Variants in PRDM6 observed in about 807,000 individuals in gnomAD.
PRDM6 encodes the protein putative histone-lysine N-methyltransferase PRDM6.
Under a neutral mutation model 60.8 loss-of-function variants are expected in PRDM6, and 25 were observed. That is an observed-to-expected ratio of 0.41 (90% CI 0.30 to 0.57). PRDM6 has a LOEUF of 0.57. PRDM6 is among the 20% of genes least tolerant of loss of function. PRDM6 has a pLI of 0.27. For synonymous variants in PRDM6, 407 were observed against 357.4 expected (o/e 1.14, Z -1.57); for missense variants, 839 against 821.3 (o/e 1.02, Z -0.26).
intron 7 of PRDM6, among the ~76,000 whole-genome samples, chr5:123,181,158 C>A (rs1766150147): frequency 6.6e-6 from 1 of 152,194 alleles, no homozygotes; most frequent in East Asian, 1.9e-4. Flanking sequence ...CAAGTATGTA[C>A]TTTTTTGCTA....
At chr5:123,181,710 G>A (rs1484105631) in intron 7 of PRDM6, among the ~76,000 whole-genome samples, 2 of 152,150 alleles carry the variant, frequency 1.3e-5, no homozygotes, top group Non-Finnish European at 2.9e-5. Context: ...TAATCCCCCT[G>A]CTCAGTCTCA....
chr5:123,103,763 G>T (rs772170115), intron 3 of PRDM6, among the ~76,000 whole-genome samples: 1 of 151,876 alleles, frequency 6.6e-6, no homozygotes, highest in Non-Finnish European at 1.5e-5. Context: ...AATAAAATAC[G>T]GAAGTTTAAA....
chr5:123,113,704 G>T (rs910248328), intron 3 of PRDM6, among the ~76,000 whole-genome samples: 1 of 152,156 alleles, frequency 6.6e-6, no homozygotes, highest in Non-Finnish European at 1.5e-5. Flanking sequence ...CTCAGCCTCT[G>T]CCACAGGCCT....
rs1766378221 is a variant in PRDM6 at position 123,190,116 on chromosome 5, C to G, written c.*2915C>G. ...GGATATTTAAGATAAGAAAGGTAGT[C>G]TGTCAGAGCTGAATCAGGGTTTGGC... On this transcript the variant is annotated 3_prime_UTR_variant, in exon 8 of 8. Transcript: ENST00000407847. 1.3e-5 allele frequency: 2 copies of G among 152,158 alleles called. No individual in the cohort carries two copies. The highest frequency in any genetic ancestry group is 4.8e-5 in the African/African-American group (2 of 41,430). 9.4% of individuals were successfully genotyped at this position (152,158 alleles called of 1,614,324 possible). A position where few individuals can be genotyped will look rare whatever the true frequency, so the allele number is the denominator to read the frequency against.
chr5:123,171,315 C>G (rs1765886054), intron 6 of PRDM6, among the ~76,000 whole-genome samples: 1 of 152,178 alleles, frequency 6.6e-6, no homozygotes, highest in Non-Finnish European at 1.5e-5. Context: ...AGAGAGGAAT[C>G]TGCACTTGCC....
chr5:123,139,648 G>T (rs1765054598), intron 3 of PRDM6, among the ~76,000 whole-genome samples: 1 of 152,160 alleles, frequency 6.6e-6, no homozygotes, highest in African/African-American at 2.4e-5. Context: ...CACTCACTGT[G>T]TGTGGCCTGT....
Position 123,090,332 on chromosome 5 carries a change from TG to T in PRDM6, c.320del (p.Gly107ValfsTer16). 2 of 1,477,906 alleles carry T rather than the reference TG, an allele frequency of 1.4e-6. No homozygotes were observed. The highest frequency in any genetic ancestry group is 2.9e-5 in the East Asian group (1 of 33,946). 91.5% of individuals were successfully genotyped at this position (1,477,906 alleles called of 1,614,324 possible). The part of the protein sequence containing the change: ...AAAAAAAALA[G>X]LSALPVSQLP... ...CTGCGGCCGCTGCCGCCGCGCTGGC[TG>T]GTCTCTCGGCCCTGCCGGTGTCGCA... On this transcript the variant is annotated frameshift_variant, in exon 2 of 8. Transcript: ENST00000407847. LOFTEE classifies it high-confidence loss of function.
chr5:123,138,425 G>C (rs1453527970), intron 3 of PRDM6, among the ~76,000 whole-genome samples: 3 of 152,210 alleles, frequency 2.0e-5, no homozygotes, highest in African/African-American at 7.2e-5. Context: ...TTTGCTTTCA[G>C]CAGAGATTAT....
chr5:123,094,150 C>G (rs1371969973), intron 2 of PRDM6, among the ~76,000 whole-genome samples: 2 of 152,102 alleles, frequency 1.3e-5, no homozygotes, highest in African/African-American at 4.8e-5. Flanking sequence ...GGGCCTAACA[C>G]TGGTTTGTCC....
In PRDM6 at chr5:123,190,580, A is replaced by G. The variant is rs770855778; in HGVS notation, c.*3379A>G. ...TTAAATGTAGCCTTCTTGGGAAACTATGTATAACAGGAAAAGATCATGACA... is the reference window on the plus strand; with the variant it reads ...TTAAATGTAGCCTTCTTGGGAAACTGTGTATAACAGGAAAAGATCATGACA... On this transcript the variant is annotated 3_prime_UTR_variant, in exon 8 of 8. Coordinates refer to ENST00000407847, the MANE Select transcript of PRDM6 (RefSeq NM_001136239.4). The G allele has an allele frequency of 6.6e-6, 1 of 152,312 alleles. No individual in the cohort carries two copies. The highest frequency in any genetic ancestry group is 2.1e-4 in the South Asian group (1 of 4,820). 9.4% of individuals were successfully genotyped at this position (152,312 alleles called of 1,614,324 possible).
intron 3 of PRDM6, among the ~76,000 whole-genome samples, chr5:123,134,239 G>C (rs770730252): frequency 4.6e-5 from 7 of 151,948 alleles, no homozygotes; most frequent in Non-Finnish European, 7.4e-5. Flanking sequence ...TGAGTTCCTT[G>C]TTCTCTTTTT....
chr5:123,109,595 TA>T (rs1764262637), intron 3 of PRDM6, among the ~76,000 whole-genome samples: 1 of 152,074 alleles, frequency 6.6e-6, no homozygotes, highest in African/African-American at 2.4e-5. Flanking sequence ...TGCTTACAAA[TA>T]AAAAACAATT....
intron 3 of PRDM6, among the ~76,000 whole-genome samples, chr5:123,114,384 T>A (rs1232574912): frequency 6.6e-6 from 1 of 152,200 alleles, no homozygotes; most frequent in Non-Finnish European, 1.5e-5. Flanking sequence ...TCAACCCATC[T>A]CTTTTACTAT....
intron 3 of PRDM6, among the ~76,000 whole-genome samples, chr5:123,122,164 CA>C (rs138619125): frequency 0.019 from 1,854 of 98,570 alleles, 31 homozygotes; most frequent in African/African-American, 0.07. Context: ...CTCCATCTGA[CA>C]AAAAAAAAAA....
At chr5:123,142,446 G>A (rs1475694928) in intron 3 of PRDM6, among the ~76,000 whole-genome samples, 2 of 152,168 alleles carry the variant, frequency 1.3e-5, no homozygotes, top group Admixed American at 1.3e-4. Flanking sequence ...GAGGGGGTAA[G>A]CCAGAGGAAG....
intron 4 of PRDM6, among the ~76,000 whole-genome samples, chr5:123,158,885 A>G (rs141395135): frequency 0.011 from 1,713 of 152,160 alleles, 18 homozygotes; most frequent in African/African-American, 0.031. Context: ...TTCATTTTTC[A>G]GTACCTTCAC....
At chr5:123,143,954 T>G (rs1765179939) in intron 3 of PRDM6, among the ~76,000 whole-genome samples, 1 of 152,096 alleles carries the variant, frequency 6.6e-6, no homozygotes, top group African/African-American at 2.4e-5. Context: ...CAATTTAGAG[T>G]TGTGCAAAGA....
intron 6 of PRDM6, 44 bp from the exon 7 acceptor site, chr5:123,180,103 C>G: frequency 6.7e-7 from 1 of 1,481,690 alleles, no homozygotes; most frequent in Non-Finnish European, 9.0e-7. Context: ...TTCCACTGAC[C>G]AACGCAGAAA....
rs1223842370 is a variant in PRDM6 at position 123,118,012 on chromosome 5, A to G, written c.900+18051A>G. Among the ~76,000 whole-genome samples the G allele has an allele frequency of 2.0e-5, 3 of 152,194 alleles. No individual in the cohort carries two copies. The South Asian group carries it at 6.2e-4, about 32-fold the overall frequency. On this transcript the variant is annotated intron_variant, in intron 3 of 7. Transcript: ENST00000407847. Reference sequence around the variant, plus strand: ...AAAGACACAGTCCATGACTAGATGGAGCTTACAGTCTGTGAGGGAGACATT... The same window carrying G: ...AAAGACACAGTCCATGACTAGATGGGGCTTACAGTCTGTGAGGGAGACATT...
Sources: allele counts gnomAD v4.1 joint callset (sites outside exome capture counted in the v4.1 genomes callset), GRCh38; gene constraint gnomAD v4.1.1; transcripts MANE v1.5; gene names NCBI Gene and HGNC (gene_info 2026-07-23, HGNC 2026-07-21).